The following MAP1B variants were observed in gnomAD, a reference collection of about 807,000 sequenced individuals.
MAP1B encodes microtubule-associated protein 1B.
A neutral mutation model predicts 176.1 loss-of-function variants in MAP1B; 12 were observed. The ratio of observed to expected loss-of-function variants is 0.07; its 90% CI spans 0.04 to 0.11. The LOEUF is 0.11. MAP1B is among the 10% of genes least tolerant of loss of function. The probability of loss-of-function intolerance (pLI) is 1.00; values close to 1 mark genes in which losing one functional copy is unlikely to be tolerated. For synonymous variants in MAP1B, 1,044 were observed against 1,135.0 expected, an observed-to-expected ratio of 0.92 and a Z score of 1.61; for missense variants, 2,523 against 2,990.5, an observed-to-expected ratio of 0.84 and a Z score of 3.65.
At chr5:72,131,865 A>G (rs1398064421) in intron 2 of MAP1B, among the ~76,000 whole-genome samples, 2 of 152,328 alleles carry the variant, frequency 1.3e-5, no homozygotes, top group South Asian at 2.1e-4. Flanking sequence ...TGCTTTCTTC[A>G]GGCCAACAGT....
At chr5:72,183,859 G>C in intron 3 of MAP1B, 34 bp downstream of exon 3, 2 of 1,588,140 alleles carry the variant, frequency 1.3e-6, no homozygotes, top group Non-Finnish European at 1.7e-6. Flanking sequence ...CTGGGGCCGG[G>C]CCCCACACAC....
rs1165138538 is a variant in MAP1B, at chr5:72,198,626, A to T, written c.5271A>T (p.Arg1757Ser). The T allele has an allele frequency of 6.2e-7, 1 of 1,614,072 alleles. No individual in the cohort carries two copies. Among genetic ancestry groups the T allele is most frequent in the East Asian group, 2.2e-5 (1 of 44,878 alleles). Residue 1757 changes from arginine to serine, a missense_variant, in exon 5 of 7, where the codon AGA becomes AGT. By Grantham distance (110) the Arg-to-Ser change is moderately radical. Transcript: ENST00000296755. ...EDTLSDVAPP[R>S]DMSLYASLTS... ...CTCTATCCGATGTTGCTCCTCCCAG[A>T]GATATGTCCTTATATGCCTCACTCA...
chr5:72,185,630 A>G (rs1746881156), intron 3 of MAP1B, among the ~76,000 whole-genome samples: 4 of 151,956 alleles, frequency 2.6e-5, no homozygotes, highest in Admixed American at 2.6e-4. Context: ...AAAAAGCTGG[A>G]AAATTAATAT....
intron 2 of MAP1B, among the ~76,000 whole-genome samples, chr5:72,133,007 CCCGCT>C (rs1426422362): frequency 2.6e-5 from 4 of 152,244 alleles, no homozygotes; most frequent in African/African-American, 9.6e-5. Context: ...GGCAATTTTA[CCCGCT>C]CATCTAGAAC....
At chr5:72,193,624 C>T (rs943595996) in intron 4 of MAP1B, among the ~76,000 whole-genome samples, 5 of 151,950 alleles carry the variant, frequency 3.3e-5, no homozygotes, top group Non-Finnish European at 7.4e-5. Flanking sequence ...GGTGCCAGGG[C>T]GAGTGGGTAC....
chr5:72,197,745 G>C lies in MAP1B; in HGVS notation c.4390G>C (p.Asp1464His), dbSNP rs1351384936. The change falls in exon 5 of 7, where the codon GAC (aspartate) becomes CAC (histidine). Residue 1464 changes from aspartate (D) to histidine (H), a missense_variant. Transcript: ENST00000296755. Reference protein sequence around the residue: ...YQDKQEGKSTDFAPIKEDFGQ... With the variant: ...YQDKQEGKSTHFAPIKEDFGQ... ...AGACAAACAGGAAGGGAAAAGCACA[G>C]ACTTTGCACCAATAAAAGAAGACTT... The C allele has an allele frequency of 6.2e-7, 1 of 1,614,176 alleles. No homozygotes were observed. The highest frequency in any genetic ancestry group is 2.2e-5 in the East Asian group (1 of 44,884).
chr5:72,195,991 A>C lies in MAP1B; in HGVS notation c.2636A>C (p.Gln879Pro), dbSNP rs1470303111. 6.2e-7 allele frequency: 1 copy of C among 1,614,134 alleles called. No homozygotes were observed. The highest frequency in any genetic ancestry group is 2.2e-5 in the East Asian group (1 of 44,896). Residue 879 changes from glutamine to proline, a missense_variant, in exon 5 of 7, where the codon CAG (glutamine) becomes CCG (proline). Around this residue, in one of 4 missense-constraint regions of MAP1B, gnomAD observed 1,925 missense variants for 2,126.0 expected, o/e 0.91. Transcript: ENST00000296755. ...ETEPVEAYVIQKEREVTKGPA... is the reference protein window; with the variant it reads ...ETEPVEAYVIPKEREVTKGPA... ...GAGCCAGTCGAAGCCTACGTCATCC[A>C]GAAGGAGAGAGAAGTCACCAAAGGT...
chr5:72,186,544 A>G lies in MAP1B; in HGVS notation c.370-70A>G. The G allele has an allele frequency of 6.4e-7, 1 of 1,574,504 alleles. No homozygotes were observed. The highest frequency in any genetic ancestry group is 1.1e-5 in the South Asian group (1 of 88,202). On this transcript the variant is annotated intron_variant, in intron 3 of 6. Transcript: ENST00000296755. This position sits in a 1 kb window ranked among gnomAD's most constrained non-coding sequence, Gnocchi z 4.3. ...ATAAACTCCCATGGCTCCGAAGGCT[A>G]GCCCTGTCCTGAAGGTGGGATGGCA...
intron 2 of MAP1B, among the ~76,000 whole-genome samples, chr5:72,177,905 C>A (rs536323730): frequency 1.3e-5 from 2 of 152,174 alleles, no homozygotes; most frequent in African/African-American, 4.8e-5. Context: ...CTGACTCTAT[C>A]ATTTTCTCTT....
intron 2 of MAP1B, among the ~76,000 whole-genome samples, chr5:72,158,376 C>T (rs1026650418): frequency 1.3e-5 from 2 of 152,054 alleles, no homozygotes; most frequent in South Asian, 2.1e-4. Flanking sequence ...AAACTCTAAA[C>T]GATGCAAACC....
At chr5:72,183,861 C>A (rs369810286) in intron 3 of MAP1B, 36 bp downstream of exon 3, 1 of 1,579,212 alleles carries the variant, frequency 6.3e-7, no homozygotes, top group South Asian at 1.1e-5. Flanking sequence ...GGGGCCGGGC[C>A]CCACACACTG....
In MAP1B at chr5:72,205,533, C is replaced by T. The variant is rs1316573606; in HGVS notation, c.*294C>T. ...CACTAGCCAACCCAACTGACTTCTG[C>T]TAGGTAGAGGCATTTGTCTTAGAGA... On this transcript the variant is annotated 3_prime_UTR_variant, in exon 7 of 7. Coordinates refer to ENST00000296755, the MANE Select transcript of MAP1B (RefSeq NM_005909.5). The T allele has an allele frequency of 6.5e-6, 2 of 309,008 alleles. No individual in the cohort carries two copies. Among genetic ancestry groups the T allele is most frequent in the Non-Finnish European group, 1.2e-5 (2 of 164,520 alleles). The allele number at this position is 309,008 out of a possible 1,614,324, so 19.1% of individuals were successfully genotyped here.
At chr5:72,127,628 C>T (rs1476166446) in intron 2 of MAP1B, among the ~76,000 whole-genome samples, 1 of 151,754 alleles carries the variant, frequency 6.6e-6, no homozygotes, top group Non-Finnish European at 1.5e-5. Flanking sequence ...TAAAAAAAAA[C>T]CTAGGTGTGA....
rs1044850052 is a variant in MAP1B at position 72,179,259 on chromosome 5, G to A, written c.287-4484G>A. 6.6e-5 allele frequency among the ~76,000 whole-genome samples: 10 copies of A among 152,274 alleles called. No homozygotes were observed. In the East Asian group the frequency reaches 9.6e-4, roughly 15 times the overall value. On this transcript the variant is annotated intron_variant, in intron 2 of 6. Coordinates refer to ENST00000296755, the MANE Select transcript of MAP1B (RefSeq NM_005909.5). ...CACAATCATTCCAGGTCGAGCCCCC[G>A]CTTTTGCTGCCCTCAGACCGATGCC...
chr5:72,191,367 T>C (rs1431389062), intron 4 of MAP1B, among the ~76,000 whole-genome samples: 1 of 152,228 alleles, frequency 6.6e-6, no homozygotes, highest in East Asian at 1.9e-4. Context: ...ACTGCTAACA[T>C]TGTTGGATCC....
chr5:72,121,685 A>G (rs987608583), intron 2 of MAP1B, among the ~76,000 whole-genome samples: 1 of 152,188 alleles, frequency 6.6e-6, no homozygotes, highest in African/African-American at 2.4e-5. Flanking sequence ...ATGAGAAAAT[A>G]CTCTTAGAAA....
At chr5:72,114,855 A>G (rs1197440780) in intron 1 of MAP1B, among the ~76,000 whole-genome samples, 1 of 152,134 alleles carries the variant, frequency 6.6e-6, no homozygotes, top group East Asian at 1.9e-4. Flanking sequence ...TATTCCTTTC[A>G]GCCTAGGGAA....
At chr5:72,117,894 C>A (rs1435033975) in intron 2 of MAP1B, among the ~76,000 whole-genome samples, 1 of 152,116 alleles carries the variant, frequency 6.6e-6, no homozygotes, top group East Asian at 1.9e-4. Flanking sequence ...AGGTTTCCAA[C>A]CAGGACTGTA....
chr5:72,157,504 T>A (rs1746247942), intron 2 of MAP1B, among the ~76,000 whole-genome samples: 1 of 152,192 alleles, frequency 6.6e-6, no homozygotes, highest in African/African-American at 2.4e-5. Context: ...AGGGACAAGA[T>A]GGAGATGGGA....
Sources: allele counts gnomAD v4.1 joint callset (sites outside exome capture counted in the v4.1 genomes callset), GRCh38; gene constraint gnomAD v4.1.1; regional missense constraint gnomAD v4.1.1; non-coding constraint Gnocchi (gnomAD v3.1); transcripts MANE v1.5; gene names NCBI Gene and HGNC (gene_info 2026-07-23, HGNC 2026-07-21).